The following RPS26 variants were observed in gnomAD, a reference collection of about 807,000 sequenced individuals.
The protein encoded by RPS26 is small ribosomal subunit protein eS26.
A neutral mutation model predicts 14.7 loss-of-function variants in RPS26; 1 was observed. The observed-to-expected ratio is 0.07, with a 90% confidence interval of 0.02 to 0.32. The LOEUF is 0.32. Among genes scored for constraint, RPS26 ranks in the 10% least tolerant of loss-of-function variants. RPS26 has a pLI of 1.00. For synonymous variants in RPS26, 59 were observed against 53.1 expected, an observed-to-expected ratio of 1.11 and a Z score of -0.48; for missense variants, 63 against 157.7, an observed-to-expected ratio of 0.40 and a Z score of 3.22.
intron 3 of RPS26, among the ~76,000 whole-genome samples, 183 bp downstream of exon 3, chr12:56,043,676 A>G (rs1008828778): frequency 1.3e-5 from 2 of 152,102 alleles, no homozygotes; most frequent in African/African-American, 4.8e-5. Flanking sequence ...GCCAAGCATG[A>G]TAGTGTGAAC....
In RPS26 at chr12:56,044,365, T is replaced by TTTTTTTTTTTTTTTTTTTG. The variant is rs59385427; in HGVS notation, c.*211_*212insTTTTTTTTTTTTTTTTTTG. 1 of 345,388 alleles carries TTTTTTTTTTTTTTTTTTTG rather than the reference T, an allele frequency of 2.9e-6. No homozygotes were observed. The highest frequency in any genetic ancestry group is 5.1e-6 in the Non-Finnish European group (1 of 195,508). 21.4% of individuals were successfully genotyped at this position (345,388 alleles called of 1,614,324 possible). On this transcript the variant is annotated 3_prime_UTR_variant, in exon 4 of 4. Transcript: ENST00000646449. Reference sequence around the variant, plus strand: ...TTTTTCTTTTTTTTTTTTTTTTTTTTGAGACGGAGTCTTTGTCGCCCAAGC... The same window carrying TTTTTTTTTTTTTTTTTTTG: ...TTTTTCTTTTTTTTTTTTTTTTTTTTTTTTTTTTTTTTTTTTTTGGAGACGGAGTCTTTGTCGCCCAAGC...
chr12:56,042,110 G>A lies in RPS26; in HGVS notation c.-57G>A. Reference sequence around the variant, plus strand: ...CCCGGTGTCCGCGTAGGGATCTCATGCTATATAGGAGGGCCCTGCCAGGCA... The same window carrying A: ...CCCGGTGTCCGCGTAGGGATCTCATACTATATAGGAGGGCCCTGCCAGGCA... On this transcript the variant is annotated 5_prime_UTR_variant, in exon 1 of 4. An upstream start codon of the reference 5' UTR is lost. Coordinates refer to ENST00000646449, the MANE Select transcript of RPS26 (RefSeq NM_001029.5). 3.1e-6 allele frequency: 5 copies of A among 1,588,022 alleles called. No individual in the cohort carries two copies. Among genetic ancestry groups the A allele is most frequent in the Non-Finnish European group, 4.3e-6 (5 of 1,156,268 alleles).
chr12:56,042,024 T>C lies in RPS26; in HGVS notation c.-143T>C, dbSNP rs1336829226. The C allele has an allele frequency of 3.6e-6, 3 of 839,216 alleles. No individual in the cohort carries two copies. The highest frequency in any genetic ancestry group is 2.8e-5 in the South Asian group (2 of 72,138). 52.0% of individuals were successfully genotyped at this position (839,216 alleles called of 1,614,324 possible). On this transcript the variant is annotated 5_prime_UTR_variant, in exon 1 of 4. It removes an upstream start codon present in the reference 5' UTR. Transcript: ENST00000646449. ...CCTAGATTTCAGCAGAAATGCTGAA[T>C]GTAAAGGAATATTTGAGTAAAGTGA...
intron 2 of RPS26, 161 bp from the exon 3 acceptor site, chr12:56,043,202 T>TACATA: frequency 1.5e-6 from 1 of 667,162 alleles, no homozygotes. Context: ...TGCTCAGGTA[T>TACATA]TGGGCTGAAC....
At chr12:56,042,303 C>A in intron 1 of RPS26, 122 bp from the exon 2 acceptor site, 1 of 1,513,870 alleles carries the variant, frequency 6.6e-7, no homozygotes, top group Non-Finnish European at 9.2e-7. Flanking sequence ...GCGGGATTTG[C>A]GGAGAAACAG....
At position 56,043,358 on chromosome 12, in the gene RPS26, C is replaced by A; in HGVS notation, c.182-5C>A. On this transcript the variant is annotated splice_polypyrimidine_tract_variant and splice_region_variant and intron_variant, in intron 2 of 3. Transcript: ENST00000646449. ...ACCAGTATAACTCTATTTTCTATTC[C>A]TTAGCCTATGTGCTTCCCAAGCTGT... The A allele has an allele frequency of 6.2e-7, 1 of 1,611,362 alleles. No individual in the cohort carries two copies. The highest frequency in any genetic ancestry group is 1.1e-5 in the South Asian group (1 of 90,970).
rs999291142 is a variant in RPS26 at position 56,042,757 on chromosome 12, C to T, written c.181+155C>T. The T allele has an allele frequency of 1.1e-5, 8 of 717,632 alleles. No homozygotes were observed. In the East Asian group the frequency reaches 1.6e-4, roughly 14 times the overall value. 44.5% of individuals were successfully genotyped at this position (717,632 alleles called of 1,614,324 possible). On this transcript the variant is annotated intron_variant, in intron 2 of 3. Coordinates refer to ENST00000646449, the MANE Select transcript of RPS26 (RefSeq NM_001029.5). ...GGTAGAAGAGAATTCTCTTGTTTGC[C>T]GTTTTGATTCTTTTCTGGGCAGAGG...
rs545595719 is a variant in RPS26 at position 56,042,178 on chromosome 12, T to A, written c.3+9T>A. 2.0e-5 allele frequency: 32 copies of A among 1,614,070 alleles called. No individual in the cohort carries two copies. In the Middle Eastern group the frequency reaches 9.9e-4, roughly 50 times the overall value. ...TCCGTGCCTCCAAGATGGTGAGTCTTCTTGCGTGGTGAGGGTGGGGGTTCG... is the reference window on the plus strand; with the variant it reads ...TCCGTGCCTCCAAGATGGTGAGTCTACTTGCGTGGTGAGGGTGGGGGTTCG... On this transcript the variant is annotated intron_variant, in intron 1 of 3. Coordinates refer to ENST00000646449, the MANE Select transcript of RPS26 (RefSeq NM_001029.5).
chr12:56,043,146 C>A (rs1425367514), intron 2 of RPS26: 2 of 531,260 alleles, frequency 3.8e-6, no homozygotes, highest in Admixed American at 3.0e-5. Context: ...AAGATGAACT[C>A]ACGTGGGATG....
In RPS26 at chr12:56,044,365, T is replaced by TTTTTTTTTTTTG. The variant is rs59385427; in HGVS notation, c.*211_*212insTTTTTTTTTTTG. On this transcript the variant is annotated 3_prime_UTR_variant, in exon 4 of 4. Transcript: ENST00000646449. ...TTTTTCTTTTTTTTTTTTTTTTTTT[T>TTTTTTTTTTTTG]GAGACGGAGTCTTTGTCGCCCAAGC... The TTTTTTTTTTTTG allele has an allele frequency of 2.9e-6, 1 of 345,388 alleles. No homozygotes were observed. The highest frequency in any genetic ancestry group is 2.8e-5 in the African/African-American group (1 of 36,350). The allele number at this position is 345,388 out of a possible 1,614,324, so 21.4% of individuals were successfully genotyped here. A position where few individuals can be genotyped will look rare whatever the true frequency, so the allele number is the denominator to read the frequency against.
Position 56,044,337 on chromosome 12 carries a change from ATTTTTTTCTTTTT to A in RPS26, c.*191_*203del. 1 of 461,512 alleles carries A rather than the reference ATTTTTTTCTTTTT, an allele frequency of 2.2e-6. No individual in the cohort carries two copies. Among genetic ancestry groups the A allele is most frequent in the South Asian group, 3.4e-5 (1 of 29,184 alleles). The allele number at this position is 461,512 out of a possible 1,614,324, so 28.6% of individuals were successfully genotyped here. On this transcript the variant is annotated 3_prime_UTR_variant, in exon 4 of 4. Transcript: ENST00000646449. Reference sequence around the variant, plus strand: ...GAAGAAAGCTTATTCATGTAATTTAATTTTTTTCTTTTTTTTTTTTTTTTTTTTGAGACGGAGT... The same window carrying A: ...GAAGAAAGCTTATTCATGTAATTTAATTTTTTTTTTTTTTTGAGACGGAGT...
Position 56,043,306 on chromosome 12 carries a change from A to C in RPS26, c.182-57A>C, listed in dbSNP as rs1159772391. ...CATGTAAGGTGCTCTTCATTCATGT[A>C]ACAAAAAAGCAAGGTAGGTATATAA... On this transcript the variant is annotated intron_variant, in intron 2 of 3. Transcript: ENST00000646449. 8 of 1,538,530 alleles carry C rather than the reference A, an allele frequency of 5.2e-6. No homozygotes were observed. The East Asian group carries it at 1.8e-4, about 35-fold the overall frequency.
In RPS26 at chr12:56,042,021, G is replaced by T; in HGVS notation, c.-146G>T. ...CACCCTAGATTTCAGCAGAAATGCT[G>T]AATGTAAAGGAATATTTGAGTAAAG... is the stretch of plus-strand genomic sequence containing the variant. On this transcript the variant is annotated 5_prime_UTR_variant, in exon 1 of 4. Transcript: ENST00000646449. 1 of 825,794 alleles carries T rather than the reference G, an allele frequency of 1.2e-6. No individual in the cohort carries two copies. Among genetic ancestry groups the T allele is most frequent in the South Asian group, 1.4e-5 (1 of 71,536 alleles). 51.2% of individuals were successfully genotyped at this position (825,794 alleles called of 1,614,324 possible).
rs868693078 is a variant in RPS26, at chr12:56,042,066, C to T, written c.-101C>T. Reference sequence around the variant, plus strand: ...GTAAAGTGAGTTGCCGTTCTTGAAGCCCGTCTCCTAAGGATTCTCCCGGTG... The same window carrying T: ...GTAAAGTGAGTTGCCGTTCTTGAAGTCCGTCTCCTAAGGATTCTCCCGGTG... On this transcript the variant is annotated 5_prime_UTR_variant, in exon 1 of 4. Transcript: ENST00000646449. The T allele has an allele frequency of 2.8e-5, 35 of 1,234,466 alleles. No homozygotes were observed. The African/African-American group carries it at 3.3e-4, about 12-fold the overall frequency. 76.5% of individuals were successfully genotyped at this position (1,234,466 alleles called of 1,614,324 possible).
Position 56,043,354 on chromosome 12 carries a change from A to C in RPS26, c.182-9A>C. On this transcript the variant is annotated splice_polypyrimidine_tract_variant and intron_variant, in intron 2 of 3. Transcript: ENST00000646449. ...TAATACCAGTATAACTCTATTTTCT[A>C]TTCCTTAGCCTATGTGCTTCCCAAG... 6.2e-7 allele frequency: 1 copy of C among 1,611,222 alleles called. No individual in the cohort carries two copies. Among genetic ancestry groups the C allele is most frequent in the Non-Finnish European group, 8.5e-7 (1 of 1,179,170 alleles).
At chr12:56,042,199 G>A (rs954832020) in intron 1 of RPS26, 30 bp downstream of exon 1, 6 of 1,613,880 alleles carry the variant, frequency 3.7e-6, no homozygotes, top group East Asian at 2.2e-5. Context: ...GAGGGTGGGG[G>A]TTCGGGTGCA....
Position 56,042,060 on chromosome 12 carries a change from T to C in RPS26, c.-107T>C, listed in dbSNP as rs890734208. The stretch of plus-strand genomic sequence containing the variant: ...ATTTGAGTAAAGTGAGTTGCCGTTC[T>C]TGAAGCCCGTCTCCTAAGGATTCTC... On this transcript the variant is annotated 5_prime_UTR_variant, in exon 1 of 4. Transcript: ENST00000646449. 1.7e-5 allele frequency: 20 copies of C among 1,191,742 alleles called. No homozygotes were observed. Among genetic ancestry groups the C allele is most frequent in the Admixed American group, 3.5e-5 (2 of 57,688 alleles). The allele number at this position is 1,191,742 out of a possible 1,614,324, so 73.8% of individuals were successfully genotyped here. A position where few individuals can be genotyped will look rare whatever the true frequency, so the allele number is the denominator to read the frequency against.
rs528402291 is a variant in RPS26 at position 56,044,564 on chromosome 12, G to A, written c.*410G>A. On this transcript the variant is annotated 3_prime_UTR_variant, in exon 4 of 4. Transcript: ENST00000646449. ...TCACTATGTTGTCCAGGCTGGTCTT[G>A]AACTTCTGACCTCAGTTAATCCACC... 1.5e-5 allele frequency: 3 copies of A among 193,768 alleles called. No homozygotes were observed. The highest frequency in any genetic ancestry group is 1.7e-4 in the South Asian group (2 of 11,912). 12.0% of individuals were successfully genotyped at this position (193,768 alleles called of 1,614,324 possible). A position where few individuals can be genotyped will look rare whatever the true frequency, so the allele number is the denominator to read the frequency against.
At chr12:56,043,339 A>G (rs963626255) in intron 2 of RPS26, 24 bp from the exon 3 acceptor site, 4 of 1,608,422 alleles carry the variant, frequency 2.5e-6, no homozygotes, top group Admixed American at 1.7e-5. Context: ...TAATACCAGT[A>G]TAACTCTATT....
Sources: allele counts gnomAD v4.1 joint callset (sites outside exome capture counted in the v4.1 genomes callset), GRCh38; gene constraint gnomAD v4.1.1; transcripts MANE v1.5; gene names NCBI Gene and HGNC (gene_info 2026-07-23, HGNC 2026-07-21).